The following PGM5 variants were observed in gnomAD, a reference collection of about 807,000 sequenced individuals.
PGM5 encodes the protein phosphoglucomutase 5.
A neutral mutation model predicts 59.2 loss-of-function variants in PGM5; 23 were observed. The ratio of observed to expected loss-of-function variants is 0.39; its 90% CI spans 0.28 to 0.55. The LOEUF (loss-of-function observed/expected upper bound fraction) is 0.55, where lower values mean the gene tolerates loss of function less well. PGM5 is among the 20% of genes least tolerant of loss of function. The pLI, the probability that PGM5 is intolerant of heterozygous loss-of-function variation, is 0.66. For missense variants in PGM5, 574 were observed against 748.3 expected (o/e 0.77, Z 2.72); for synonymous variants, 214 against 286.0 (o/e 0.75, Z 2.54).
chr9:68,366,671 T>C (rs1454379549), intron 1 of PGM5, among the ~76,000 whole-genome samples: 2 of 152,274 alleles, frequency 1.3e-5, no homozygotes, highest in East Asian at 3.8e-4. Flanking sequence ...AGCTTTGGAT[T>C]TGAATCATGA....
At chr9:68,486,305 C>T (rs1427582875) in intron 9 of PGM5, among the ~76,000 whole-genome samples, 1 of 152,048 alleles carries the variant, frequency 6.6e-6, no homozygotes, top group African/African-American at 2.4e-5. Context: ...ATGGTTCTCT[C>T]ATTTAAAGGG....
At chr9:68,404,129 G>A (rs556978011) in intron 6 of PGM5, among the ~76,000 whole-genome samples, 3 of 151,978 alleles carry the variant, frequency 2.0e-5, no homozygotes, top group Non-Finnish European at 4.4e-5. Context: ...AGGTTGTTTT[G>A]TTTTGTTTTG....
At chr9:68,508,019 T>C (rs376095391) in intron 10 of PGM5, among the ~76,000 whole-genome samples, 1 of 152,306 alleles carries the variant, frequency 6.6e-6, no homozygotes, top group African/African-American at 2.4e-5. Context: ...TAAGCCTTTT[T>C]CTTGGCCAAA....
chr9:68,457,283 C>T (rs1823793393), intron 6 of PGM5, among the ~76,000 whole-genome samples: 1 of 152,068 alleles, frequency 6.6e-6, no homozygotes, highest in Admixed American at 6.5e-5. Flanking sequence ...TCTTTATTCC[C>T]CCCTCATAGA....
At chr9:68,469,853 G>A (rs913450629) in intron 7 of PGM5, among the ~76,000 whole-genome samples, 2 of 152,158 alleles carry the variant, frequency 1.3e-5, no homozygotes, top group African/African-American at 2.4e-5. Flanking sequence ...AAGAATTTTC[G>A]TTTTGTTATC....
At chr9:68,369,146 C>T (rs1472251256) in intron 1 of PGM5, among the ~76,000 whole-genome samples, 6 of 152,184 alleles carry the variant, frequency 3.9e-5, no homozygotes, top group South Asian at 2.1e-4. Flanking sequence ...GCAAGTGAAA[C>T]GTGTCAAGAG....
At chr9:68,420,645 T>C (rs1472009529) in intron 6 of PGM5, among the ~76,000 whole-genome samples, 1 of 152,188 alleles carries the variant, frequency 6.6e-6, no homozygotes, top group African/African-American at 2.4e-5. Flanking sequence ...ATAGCCTTGT[T>C]TATTAATCTA....
intron 1 of PGM5, among the ~76,000 whole-genome samples, chr9:68,362,368 T>A (rs1834593046): frequency 1.3e-5 from 2 of 152,250 alleles, no homozygotes; most frequent in South Asian, 4.1e-4. Context: ...TATATTTAAT[T>A]TGAATGGATT....
intron 6 of PGM5, among the ~76,000 whole-genome samples, chr9:68,430,802 T>C (rs146502113): frequency 6.2e-4 from 95 of 152,368 alleles, no homozygotes; most frequent in Non-Finnish European, 1.1e-3. Flanking sequence ...TTGAAAACTT[T>C]CAGTGATTGT....
chr9:68,485,224 C>A (rs10868922), intron 9 of PGM5, among the ~76,000 whole-genome samples: 6,781 of 152,228 alleles, frequency 0.045, 213 homozygotes, highest in East Asian at 0.093. Context: ...GCCAGTTCTG[C>A]AACTGTATCT....
At chr9:68,408,199 T>A (rs1822856969) in intron 6 of PGM5, among the ~76,000 whole-genome samples, 2 of 152,248 alleles carry the variant, frequency 1.3e-5, no homozygotes, top group South Asian at 4.1e-4. Flanking sequence ...AATGTGAGAT[T>A]TGGATAAGGT....
intron 1 of PGM5, 21 bp from the exon 2 acceptor site, chr9:68,378,178 T>A (rs781838497): frequency 2.0e-6 from 3 of 1,485,970 alleles, no homozygotes; most frequent in South Asian, 1.3e-5. Context: ...CTGGATTGAT[T>A]TTTTTTTTTG....
chr9:68,406,660 GTATATA>G lies in PGM5; in HGVS notation c.1043+14199_1043+14204del, dbSNP rs1305648432. On this transcript the variant is annotated intron_variant, in intron 6 of 10. Coordinates refer to ENST00000396396, the MANE Select transcript of PGM5 (RefSeq NM_021965.4). The stretch of plus-strand genomic sequence containing the variant: ...GGTCTTGTACTGAGGATTAAATTAG[GTATATA>G]TATATATATATGTATATATATATAT... Among the ~76,000 whole-genome samples, 113 of 57,634 alleles carry G rather than the reference GTATATA, an allele frequency of 2.0e-3. 9 individuals carry two copies. The highest frequency in any genetic ancestry group is 0.016 in the East Asian group (33 of 2,012). The allele number at this position is 57,634 out of a possible 152,430, so 37.8% of individuals were successfully genotyped here.
rs540134690 is a variant in PGM5 at position 68,493,812 on chromosome 9, C to T, written c.1480-5415C>T. 2.6e-5 allele frequency among the ~76,000 whole-genome samples: 4 copies of T among 152,262 alleles called. No individual in the cohort carries two copies. The East Asian group carries it at 7.7e-4, about 29-fold the overall frequency. On this transcript the variant is annotated intron_variant, in intron 9 of 10. Transcript: ENST00000396396. Reference sequence around the variant, plus strand: ...CATAAACAGCAAATCAAAGAGGGGGCAAATCCAGGGAGAAAAAGAGATGCT... The same window carrying T: ...CATAAACAGCAAATCAAAGAGGGGGTAAATCCAGGGAGAAAAAGAGATGCT...
intron 6 of PGM5, among the ~76,000 whole-genome samples, chr9:68,456,392 T>G (rs537028500): frequency 4.6e-4 from 70 of 151,310 alleles, no homozygotes; most frequent in Non-Finnish European, 8.0e-4. Context: ...CTCACTGCAA[T>G]CTCCGCCTCC....
chr9:68,466,269 TG>T, intron 7 of PGM5: 164 of 970,912 alleles, frequency 1.7e-4, no homozygotes, highest in Admixed American at 3.5e-4. Context: ...CGATACTGTG[TG>T]TTTTTTTTTT....
intron 10 of PGM5, among the ~76,000 whole-genome samples, chr9:68,505,969 C>G (rs1554688994): frequency 6.6e-6 from 1 of 152,170 alleles, no homozygotes; most frequent in East Asian, 1.9e-4. Context: ...AGCATAAAGT[C>G]TGCTGTGGCT....
chr9:68,447,063 G>T (rs1037638844), intron 6 of PGM5, among the ~76,000 whole-genome samples: 2 of 152,118 alleles, frequency 1.3e-5, no homozygotes, highest in South Asian at 2.1e-4. Context: ...ACATCCCAAG[G>T]CAGACCATCC....
intron 7 of PGM5, among the ~76,000 whole-genome samples, chr9:68,471,994 G>T (rs910570604): frequency 2.0e-5 from 3 of 151,844 alleles, no homozygotes; most frequent in Admixed American, 1.3e-4. Context: ...AATGAGTTGG[G>T]ATGTATGAGT....
Sources: gnomAD v4.1 joint callset for allele counts (sites outside exome capture counted in the v4.1 genomes callset) on GRCh38, gnomAD v4.1.1 for gene constraint, MANE v1.5 for transcripts, NCBI Gene and HGNC (gene_info 2026-07-23, HGNC 2026-07-21) for gene names.